Variants in H2BC18 observed in about 807,000 individuals in gnomAD.
H2BC18 encodes the protein histone H2B type 2-F.
H2BC18 carries 8 observed loss-of-function variants against 6.3 expected under a neutral mutation model. The ratio of observed to expected loss-of-function variants is 1.28; its 90% CI spans 0.75 to 2.31. The LOEUF is 2.31. Ranked by LOEUF, H2BC18 falls within the 30% of genes most tolerant of loss-of-function variation. The probability of loss-of-function intolerance (pLI) is 0.00; values close to 1 mark genes in which losing one functional copy is unlikely to be tolerated. For synonymous variants in H2BC18, 104 were observed against 78.1 expected, an observed-to-expected ratio of 1.33 and a Z score of -1.75; for missense variants, 106 against 174.5, an observed-to-expected ratio of 0.61 and a Z score of 2.21.
chr1:149,787,360 A>G (rs1454004602), intron 1 of H2BC18: 4 of 152,244 alleles, frequency 2.6e-5, no homozygotes, highest in African/African-American at 9.6e-5. Flanking sequence ...CTCTGGAGAA[A>G]AGAAAAGTAG....
intron 1 of H2BC18, chr1:149,786,187 C>A (rs1487276708): frequency 2.0e-5 from 3 of 151,932 alleles, no homozygotes; most frequent in Non-Finnish European, 4.4e-5. Flanking sequence ...GCAAATTAAG[C>A]ATTTCCCTAA....
At chr1:149,798,249 CTTG>C (rs1177821111) in intron 1 of H2BC18, among the ~76,000 whole-genome samples, 13 of 144,012 alleles carry the variant, frequency 9.0e-5, no homozygotes, top group African/African-American at 3.4e-4. Flanking sequence ...CTTTTCAGCA[CTTG>C]TTGAGACTTA....
At chr1:149,802,952 T>A (rs1378329620) in intron 1 of H2BC18, among the ~76,000 whole-genome samples, 4 of 152,210 alleles carry the variant, frequency 2.6e-5, no homozygotes, top group Admixed American at 2.6e-4. Context: ...CCAACCCACA[T>A]TGAGGGTGAG....
chr1:149,791,237 G>C, intron 1 of H2BC18: 1 of 1,605,194 alleles, frequency 6.2e-7, no homozygotes. Flanking sequence ...TCTGTTTCAG[G>C]CCTCCAGTTA....
At chr1:149,808,267 T>A (rs1553754088), downstream of H2BC18, among the ~76,000 whole-genome samples, 2 of 152,226 alleles carry the variant, frequency 1.3e-5, no homozygotes, top group African/African-American at 4.8e-5. Flanking sequence ...AAAACTCCAG[T>A]TGAACCTTAT....
chr1:149,797,360 G>A (rs1421980685), intron 1 of H2BC18, among the ~76,000 whole-genome samples: 4 of 151,402 alleles, frequency 2.6e-5, no homozygotes, highest in East Asian at 1.9e-4. Context: ...GTCTACATTC[G>A]CAAATATATA....
intron 1 of H2BC18, among the ~76,000 whole-genome samples, chr1:149,802,135 A>G (rs1421660888): frequency 6.6e-6 from 1 of 152,172 alleles, no homozygotes; most frequent in Non-Finnish European, 1.5e-5. Context: ...TTATTTAAGA[A>G]TAATTTCCAT....
At chr1:149,806,203 T>G (rs2101487308) in intron 1 of H2BC18, among the ~76,000 whole-genome samples, 1 of 151,628 alleles carries the variant, frequency 6.6e-6, no homozygotes, top group East Asian at 1.9e-4. Context: ...GGAGTTAGAG[T>G]ATACAAGGAA....
At chr1:149,784,246 A>T in intron 1 of H2BC18, 1 of 1,611,102 alleles carries the variant, frequency 6.2e-7, no homozygotes, top group Non-Finnish European at 8.5e-7. Context: ...ATACAGCTGG[A>T]AATCCACAGA....
At chr1:149,791,218 T>G (rs782438263) in intron 1 of H2BC18, 2 of 1,585,218 alleles carry the variant, frequency 1.3e-6, no homozygotes, top group East Asian at 4.8e-5. Flanking sequence ...TCTCTTCTCT[T>G]TGTCTTTTTC....
chr1:149,793,235 G>A (rs1553752421), intron 1 of H2BC18: 10 of 1,259,596 alleles, frequency 7.9e-6, no homozygotes, highest in Admixed American at 2.5e-5. Flanking sequence ...AAGAGCAGCC[G>A]GAGGCGGCGG....
intron 1 of H2BC18, among the ~76,000 whole-genome samples, chr1:149,799,600 C>T (rs1227285263): frequency 1.3e-5 from 2 of 152,044 alleles, no homozygotes; most frequent in South Asian, 2.1e-4. Context: ...TTGTGCAGTG[C>T]ACAATCAGCA....
rs374235338 is a variant in H2BC18 at position 149,812,366 on chromosome 1, G to T, written c.-43C>A. ...GAAAAGAGACTTAAAGAAGTAATCC[G>T]AACTACCGCAAAACGGGCTGGTTAT... On this transcript the variant is annotated 5_prime_UTR_variant, in exon 1 of 1. Transcript: ENST00000369167. 1 of 1,613,630 alleles carries T rather than the reference G, an allele frequency of 6.2e-7. No homozygotes were observed. Among genetic ancestry groups the T allele is most frequent in the Non-Finnish European group, 8.5e-7 (1 of 1,179,796 alleles).
intron 1 of H2BC18, chr1:149,803,887 G>GA (rs1167849494): frequency 6.6e-4 from 101 of 152,184 alleles, no homozygotes; most frequent in Non-Finnish European, 1.6e-4. Context: ...AATTTGAAGA[G>GA]AAAAAACCTT....
chr1:149,786,906 G>A (rs1435948997), intron 1 of H2BC18: 1 of 151,940 alleles, frequency 6.6e-6, no homozygotes, highest in East Asian at 1.9e-4. Flanking sequence ...TTGCTTTGTG[G>A]CCTAGTTCAC....
intron 1 of H2BC18, chr1:149,793,293 C>T (rs1347453259): frequency 8.4e-7 from 1 of 1,191,196 alleles, no homozygotes; most frequent in South Asian, 1.5e-5. Context: ...CCCGCCTCCC[C>T]GTCCAGCTCG....
intron 1 of H2BC18, chr1:149,791,403 A>C (rs1553751861): frequency 1.9e-6 from 3 of 1,598,978 alleles, no homozygotes; most frequent in East Asian, 2.3e-5. Flanking sequence ...AGAAGAAGGT[A>C]ATTTCCAGCC....
intron 1 of H2BC18, among the ~76,000 whole-genome samples, chr1:149,797,603 G>A (rs1230532077): frequency 2.0e-5 from 3 of 152,044 alleles, no homozygotes; most frequent in African/African-American, 7.3e-5. Flanking sequence ...TCCTTTGTTA[G>A]CGTTTGAGTT....
At chr1:149,799,679 C>T (rs1553753103) in intron 1 of H2BC18, among the ~76,000 whole-genome samples, 1 of 152,242 alleles carries the variant, frequency 6.6e-6, no homozygotes, top group African/African-American at 2.4e-5. Flanking sequence ...TCTAACTCCT[C>T]ATCCTGTTAC....
Sources: gnomAD v4.1 joint callset for allele counts (sites outside exome capture counted in the v4.1 genomes callset) on GRCh38, gnomAD v4.1.1 for gene constraint, MANE v1.5 for transcripts, NCBI Gene and HGNC (gene_info 2026-07-23, HGNC 2026-07-21) for gene names.